The following KMT5B variants were observed in gnomAD, a reference collection of about 807,000 sequenced individuals.
KMT5B encodes the protein histone-lysine N-methyltransferase KMT5B.
Under a neutral mutation model 83.2 loss-of-function variants are expected in KMT5B, and 10 were observed. The ratio of observed to expected loss-of-function variants is 0.12; its 90% CI spans 0.07 to 0.20. KMT5B has a LOEUF of 0.20. KMT5B is among the 10% of genes least tolerant of loss of function. The pLI is 1.00. For synonymous variants in KMT5B, 349 were observed against 388.8 expected, an observed-to-expected ratio of 0.90 and a Z score of 1.20; for missense variants, 753 against 1,067.2, an observed-to-expected ratio of 0.71 and a Z score of 4.10.
intron 1 of KMT5B, among the ~76,000 whole-genome samples, chr11:68,200,922 CAGG>C (rs1457369127): frequency 6.6e-6 from 1 of 152,160 alleles, no homozygotes; most frequent in Non-Finnish European, 1.5e-5. Flanking sequence ...CTGAAATCAA[CAGG>C]AAGAGTCACC....
chr11:68,211,781 T>C lies in KMT5B; in HGVS notation c.-77+1357A>G, dbSNP rs910984239. 1.3e-5 allele frequency among the ~76,000 whole-genome samples: 2 copies of C among 152,218 alleles called. 1 individual carries two copies. The highest frequency in any genetic ancestry group is 4.1e-4 in the South Asian group (2 of 4,826). On this transcript the variant is annotated intron_variant, in intron 1 of 10. Transcript: ENST00000304363. ...GGGCACGGCCGACAGGGACCAGGTA[T>C]GGGAAGCTATTGGAGCCAGAGCTTG... is the stretch of plus-strand genomic sequence containing the variant.
chr11:68,180,141 T>C lies in KMT5B; in HGVS notation c.368A>G (p.Asn123Ser), dbSNP rs749834877. The change falls in exon 4 of 11, where the codon AAC (asparagine) becomes AGC (serine). Residue 123 changes from asparagine (N) to serine (S), a missense_variant. Coordinates refer to ENST00000304363, the MANE Select transcript of KMT5B (RefSeq NM_017635.5). ...FSKSDSFSHN[N>S]PVRFRPIKGR... ...AACACACACTACCTACCTCACAGGGTTGTTGTGAGAAAAACTGTCAGATTT... is the reference window on the plus strand; with the variant it reads ...AACACACACTACCTACCTCACAGGGCTGTTGTGAGAAAAACTGTCAGATTT... 1.3e-6 allele frequency: 2 copies of C among 1,577,058 alleles called. No individual in the cohort carries two copies. Among genetic ancestry groups the C allele is most frequent in the East Asian group, 2.3e-5 (1 of 44,418 alleles).
At chr11:68,208,093 T>C (rs1163511639) in intron 1 of KMT5B, among the ~76,000 whole-genome samples, 1 of 147,150 alleles carries the variant, frequency 6.8e-6, no homozygotes, top group Non-Finnish European at 1.5e-5. Flanking sequence ...TGTCTCGGCC[T>C]CCCAAAGTGC....
At chr11:68,166,210 T>G in intron 10 of KMT5B, 1 of 1,295,438 alleles carries the variant, frequency 7.7e-7, no homozygotes, top group Non-Finnish European at 9.8e-7. Flanking sequence ...ACAGGAGCAA[T>G]TAGAAATGGT....
intron 4 of KMT5B, among the ~76,000 whole-genome samples, chr11:68,176,141 G>C (rs1590971342): frequency 6.6e-6 from 1 of 152,144 alleles, no homozygotes. Flanking sequence ...CTAACCTCAA[G>C]TGGTCTGCCC....
chr11:68,179,808 T>G (rs7126326), intron 4 of KMT5B: 261,535 of 400,756 alleles, frequency 0.65, 86,869 homozygotes, highest in East Asian at 0.89. Context: ...GAGTCGCAGA[T>G]CAGCTCTTCA....
At chr11:68,186,822 T>G (rs886914614) in intron 2 of KMT5B, among the ~76,000 whole-genome samples, 1 of 152,162 alleles carries the variant, frequency 6.6e-6, no homozygotes, top group Non-Finnish European at 1.5e-5. Flanking sequence ...AAGTTTAACC[T>G]TTTCATCCAC....
intron 6 of KMT5B, among the ~76,000 whole-genome samples, chr11:68,173,256 G>C (rs1856019928): frequency 6.6e-6 from 1 of 152,116 alleles, no homozygotes; most frequent in Non-Finnish European, 1.5e-5. Flanking sequence ...GGCCAGGCTG[G>C]TCTTGAACTC....
intron 1 of KMT5B, among the ~76,000 whole-genome samples, chr11:68,194,861 T>G (rs1288663789): frequency 6.6e-6 from 1 of 152,168 alleles, no homozygotes; most frequent in Non-Finnish European, 1.5e-5. Context: ...TTTTGTTGTA[T>G]CCTATAAAAA....
chr11:68,188,505 AT>A (rs1308985458), intron 2 of KMT5B, among the ~76,000 whole-genome samples: 1 of 151,816 alleles, frequency 6.6e-6, no homozygotes, highest in African/African-American at 2.4e-5. Flanking sequence ...CAACACCATG[AT>A]TGGCTAATTT....
In KMT5B at chr11:68,157,220, T is replaced by C. The variant is rs1027313000; in HGVS notation, c.*468A>G. The C allele has an allele frequency of 1.3e-5, 2 of 152,422 alleles. No individual in the cohort carries two copies. The highest frequency in any genetic ancestry group is 4.8e-5 in the African/African-American group (2 of 41,310). 9.4% of individuals were successfully genotyped at this position (152,422 alleles called of 1,614,324 possible). ...CTGACAAAACTCCAAGGGGGAAACA[T>C]CTAGCAAATAAATCAAAAAGCCAAA... On this transcript the variant is annotated 3_prime_UTR_variant, in exon 11 of 11. Transcript: ENST00000304363.
chr11:68,211,984 C>G (rs1860968515), intron 1 of KMT5B, among the ~76,000 whole-genome samples: 1 of 152,208 alleles, frequency 6.6e-6, no homozygotes, highest in African/African-American at 2.4e-5. Flanking sequence ...CACAATAAAT[C>G]TGTATTTACA....
At chr11:68,206,941 G>T (rs1860189875) in intron 1 of KMT5B, among the ~76,000 whole-genome samples, 2 of 152,174 alleles carry the variant, frequency 1.3e-5, no homozygotes, top group Non-Finnish European at 2.9e-5. Flanking sequence ...CAACACGCAT[G>T]ATTAAAAATC....
intron 10 of KMT5B, among the ~76,000 whole-genome samples, chr11:68,160,659 TGA>T (rs910675140): frequency 6.6e-6 from 1 of 152,112 alleles, no homozygotes; most frequent in Non-Finnish European, 1.5e-5. Context: ...CAGTTTTTAT[TGA>T]GAGAGGAGCA....
At position 68,167,068 on chromosome 11, in the gene KMT5B, T is replaced by C; in HGVS notation, c.1088A>G (p.Lys363Arg). The C allele has an allele frequency of 1.9e-6, 3 of 1,614,200 alleles. No individual in the cohort carries two copies. The highest frequency in any genetic ancestry group is 3.3e-5 in the Admixed American group (2 of 60,020). The change falls in exon 10 of 11, where the codon AAG becomes AGG. Residue 363 changes from lysine (K) to arginine (R), a missense_variant. By Grantham distance (26) the Lys-to-Arg change is conservative. Coordinates refer to ENST00000304363, the MANE Select transcript of KMT5B (RefSeq NM_017635.5). ...ETDKRLNRLK[K>R]LGDSSKNSDS... is the part of the protein sequence containing the mutation. The stretch of plus-strand genomic sequence containing the variant: ...TGAATTTTTGCTGCTGTCACCTAAC[T>C]TTTTAAGCCTATTTAAACGTTTATC...
chr11:68,191,783 T>C (rs1858105903), intron 1 of KMT5B, among the ~76,000 whole-genome samples: 1 of 152,232 alleles, frequency 6.6e-6, no homozygotes, highest in Non-Finnish European at 1.5e-5. Context: ...AAAATAAATT[T>C]AGCGTAGCCT....
At chr11:68,178,045 G>A (rs1180513488) in intron 4 of KMT5B, among the ~76,000 whole-genome samples, 1 of 152,186 alleles carries the variant, frequency 6.6e-6, no homozygotes, top group Non-Finnish European at 1.5e-5. Context: ...TGAAATGGTG[G>A]GAAACAGATA....
At chr11:68,197,013 C>T (rs1251676907) in intron 1 of KMT5B, among the ~76,000 whole-genome samples, 1 of 151,900 alleles carries the variant, frequency 6.6e-6, no homozygotes, top group African/African-American at 2.4e-5. Flanking sequence ...GCACTGTCCC[C>T]AAGTTAGAGT....
chr11:68,207,963 C>G lies in KMT5B; in HGVS notation c.-77+5175G>C, dbSNP rs531685054. On this transcript the variant is annotated intron_variant, in intron 1 of 10. Coordinates refer to ENST00000304363, the MANE Select transcript of KMT5B (RefSeq NM_017635.5). ...CAAGGAATTCTCTGTCTCAGCCTCC[C>G]GAGTAGCAGGAATTACAGGTGCCCA... Among the ~76,000 whole-genome samples, 22 of 150,490 alleles carry G rather than the reference C, an allele frequency of 1.5e-4. No individual in the cohort carries two copies. The South Asian group carries it at 4.6e-3, about 32-fold the overall frequency.
Sources: allele counts gnomAD v4.1 joint callset (sites outside exome capture counted in the v4.1 genomes callset), GRCh38; gene constraint gnomAD v4.1.1; transcripts MANE v1.5; gene names NCBI Gene and HGNC (gene_info 2026-07-23, HGNC 2026-07-21).